CNTN6: variants seen among roughly 807,000 people sequenced by gnomAD.
CNTN6 encodes the protein contactin-6.
CNTN6 carries 137 observed loss-of-function variants against 122.8 expected under a neutral mutation model. The ratio of observed to expected loss-of-function variants is 1.12; its 90% CI spans 0.97 to 1.29. The LOEUF (loss-of-function observed/expected upper bound fraction) is 1.29. Ranked by LOEUF, CNTN6 falls within the 50% of genes most tolerant of loss-of-function variation. The pLI, the probability that CNTN6 is intolerant of heterozygous loss-of-function variation, is 0.00. For missense variants in CNTN6, 1,634 were observed against 1,223.4 expected, an observed-to-expected ratio of 1.34 and a Z score of -5.01; for synonymous variants, 570 against 426.0, an observed-to-expected ratio of 1.34 and a Z score of -4.16.
At chr3:1,312,179 A>G (rs1699433972) in intron 7 of CNTN6, among the ~76,000 whole-genome samples, 1 of 151,694 alleles carries the variant, frequency 6.6e-6, no homozygotes. Flanking sequence ...AATCTTAAAG[A>G]CACACTCCGA....
At chr3:1,400,907 C>T (rs185508131) in intron 20 of CNTN6, among the ~76,000 whole-genome samples, 1 of 151,982 alleles carries the variant, frequency 6.6e-6, no homozygotes, top group East Asian at 1.9e-4. Context: ...CTGCAATCTG[C>T]CATGACTTAT....
intron 1 of CNTN6, among the ~76,000 whole-genome samples, chr3:1,114,458 T>A (rs941198415): frequency 6.6e-6 from 1 of 152,208 alleles, no homozygotes; most frequent in African/African-American, 2.4e-5. Flanking sequence ...CACTATTAAT[T>A]CTATTCTGCC....
At chr3:1,126,250 A>AT (rs1379267277) in intron 1 of CNTN6, among the ~76,000 whole-genome samples, 1 of 151,992 alleles carries the variant, frequency 6.6e-6, no homozygotes, top group Non-Finnish European at 1.5e-5. Context: ...TCAGTATGTG[A>AT]TTTTCAAAAA....
intron 2 of CNTN6, among the ~76,000 whole-genome samples, chr3:1,156,597 T>C (rs1259004956): frequency 1.3e-5 from 2 of 150,862 alleles, no homozygotes; most frequent in Non-Finnish European, 2.9e-5. Context: ...TCAGACTTTC[T>C]TTCTTTCTTT....
intron 2 of CNTN6, among the ~76,000 whole-genome samples, chr3:1,215,920 G>C (rs1024186862): frequency 1.5e-4 from 23 of 152,192 alleles, no homozygotes; most frequent in African/African-American, 5.3e-4. Flanking sequence ...GAATGATGGG[G>C]CCAAGGAAAG....
At chr3:1,388,315 A>T (rs996434854) in intron 20 of CNTN6, among the ~76,000 whole-genome samples, 11 of 146,478 alleles carry the variant, frequency 7.5e-5, no homozygotes, top group Non-Finnish European at 1.4e-4. Flanking sequence ...GACACCTCAC[A>T]CGGCAGGGTA....
At chr3:1,307,552 A>T (rs558703675) in intron 7 of CNTN6, among the ~76,000 whole-genome samples, 1 of 152,224 alleles carries the variant, frequency 6.6e-6, no homozygotes, top group South Asian at 2.1e-4. Context: ...GCCAATACTG[A>T]TGTCTGATTA....
chr3:1,225,130 C>T (rs2094263188), intron 3 of CNTN6, among the ~76,000 whole-genome samples: 1 of 152,158 alleles, frequency 6.6e-6, no homozygotes, highest in African/African-American at 2.4e-5. Flanking sequence ...TAGTTCACAT[C>T]CATTATGTTT....
intron 2 of CNTN6, among the ~76,000 whole-genome samples, chr3:1,169,647 A>C (rs1223324347): frequency 1.3e-5 from 2 of 152,148 alleles, no homozygotes; most frequent in Non-Finnish European, 2.9e-5. Flanking sequence ...TACTTCTCTA[A>C]ATTTTCCAAA....
chr3:1,102,341 A>G (rs572099471), intron 1 of CNTN6, among the ~76,000 whole-genome samples: 9 of 152,312 alleles, frequency 5.9e-5, no homozygotes, highest in South Asian at 2.1e-4. Context: ...TCTGGCATCT[A>G]TCAGGGTCTC....
intron 5 of CNTN6, among the ~76,000 whole-genome samples, chr3:1,283,815 C>G (rs934445462): frequency 9.9e-5 from 15 of 152,104 alleles, no homozygotes; most frequent in African/African-American, 3.4e-4. Flanking sequence ...GCCTGGCCAA[C>G]ATGGTGAAAC....
At chr3:1,301,937 C>T (rs1471440389) in intron 7 of CNTN6, among the ~76,000 whole-genome samples, 1 of 152,156 alleles carries the variant, frequency 6.6e-6, no homozygotes, top group Non-Finnish European at 1.5e-5. Flanking sequence ...ATCTTTGACA[C>T]ATTGCAAACA....
At chr3:1,389,320 T>C (rs893290374) in intron 20 of CNTN6, among the ~76,000 whole-genome samples, 2 of 151,930 alleles carry the variant, frequency 1.3e-5, no homozygotes, top group African/African-American at 4.8e-5. Context: ...CTAAGCTTCA[T>C]AAGTGAAGGA....
At chr3:1,259,251 TGAA>T (rs2094806913) in intron 4 of CNTN6, among the ~76,000 whole-genome samples, 1 of 152,128 alleles carries the variant, frequency 6.6e-6, no homozygotes, top group African/African-American at 2.4e-5. Context: ...GATAAATAAC[TGAA>T]GAAGACAGAA....
chr3:1,394,970 G>C (rs909909400), intron 20 of CNTN6, among the ~76,000 whole-genome samples: 1 of 152,164 alleles, frequency 6.6e-6, no homozygotes, highest in Non-Finnish European at 1.5e-5. Context: ...CTAAACTGAA[G>C]ATTAGCGTTC....
At chr3:1,111,441 T>G (rs1008344602) in intron 1 of CNTN6, among the ~76,000 whole-genome samples, 3 of 152,170 alleles carry the variant, frequency 2.0e-5, no homozygotes, top group Non-Finnish European at 4.4e-5. Flanking sequence ...GATTCAGAGA[T>G]GTAAAGTAAA....
chr3:1,151,946 AT>A (rs1424706275), intron 2 of CNTN6, among the ~76,000 whole-genome samples: 1 of 152,184 alleles, frequency 6.6e-6, no homozygotes. Context: ...AAGAACGTTT[AT>A]TCTCAGCCCT....
chr3:1,249,466 C>T (rs542270485), intron 4 of CNTN6, among the ~76,000 whole-genome samples: 23 of 152,130 alleles, frequency 1.5e-4, no homozygotes, highest in Non-Finnish European at 2.9e-4. Context: ...AAAAAATGTG[C>T]TTGAGCATTA....
intron 20 of CNTN6, among the ~76,000 whole-genome samples, chr3:1,388,221 T>C (rs13068837): frequency 6.2e-4 from 90 of 145,352 alleles, no homozygotes; most frequent in Middle Eastern, 3.4e-3. Context: ...ATCTGAGAAC[T>C]GGCACACTGC....
Sources: gnomAD v4.1 joint callset for allele counts (sites outside exome capture counted in the v4.1 genomes callset) on GRCh38, gnomAD v4.1.1 for gene constraint, MANE v1.5 for transcripts, NCBI Gene and HGNC (gene_info 2026-07-23, HGNC 2026-07-21) for gene names.